The following LRPPRC variants were observed in gnomAD, a reference collection of about 807,000 sequenced individuals.
The protein encoded by LRPPRC is leucine rich pentatricopeptide repeat containing.
LRPPRC carries 120 observed loss-of-function variants against 180.3 expected under a neutral mutation model. That is an observed-to-expected ratio of 0.67 (90% CI 0.57 to 0.77). The LOEUF (loss-of-function observed/expected upper bound fraction) is 0.77. Among genes scored for constraint, LRPPRC ranks in the 30% least tolerant of loss-of-function variants. The probability of loss-of-function intolerance (pLI) is 0.00; values close to 1 mark genes in which losing one functional copy is unlikely to be tolerated. For missense variants in LRPPRC, 2,012 were observed against 1,657.2 expected (o/e 1.21, Z -3.72); for synonymous variants, 723 against 600.0 (o/e 1.21, Z -3.00).
chr2:43,889,405 CATAA>C (rs1670400470), intron 37 of LRPPRC, among the ~76,000 whole-genome samples: 1 of 148,146 alleles, frequency 6.8e-6, no homozygotes, highest in African/African-American at 2.5e-5. Flanking sequence ...TTACCACTGA[CATAA>C]TATGCTTGGC....
At chr2:43,983,200 C>G (rs1305534335) in intron 1 of LRPPRC, among the ~76,000 whole-genome samples, 1 of 152,064 alleles carries the variant, frequency 6.6e-6, no homozygotes, top group Non-Finnish European at 1.5e-5. Flanking sequence ...TTACAAAGAG[C>G]AAGCAATCTT....
intron 27 of LRPPRC, among the ~76,000 whole-genome samples, chr2:43,918,784 T>TATATAG (rs1194091602): frequency 2.9e-5 from 1 of 34,568 alleles, no homozygotes; most frequent in African/African-American, 3.2e-4. Context: ...GAAATATATA[T>TATATAG]ATATATAGAT....
At chr2:43,894,394 T>TTA (rs2104979119) in intron 36 of LRPPRC, 151 bp downstream of exon 36, 1 of 585,950 alleles carries the variant, frequency 1.7e-6, no homozygotes, top group African/African-American at 1.9e-5. Flanking sequence ...ACTGAGTTAT[T>TTA]TATATCATAA....
intron 26 of LRPPRC, 128 bp downstream of exon 26, chr2:43,925,765 T>C: frequency 4.0e-6 from 3 of 745,900 alleles, no homozygotes; most frequent in Non-Finnish European, 7.4e-6. Flanking sequence ...ATCTGGCAAA[T>C]GATCGAGATA....
intron 14 of LRPPRC, among the ~76,000 whole-genome samples, chr2:43,951,846 T>A (rs1306868838): frequency 6.6e-6 from 1 of 151,470 alleles, no homozygotes; most frequent in African/African-American, 2.4e-5. Context: ...TATTTATTTT[T>A]AAAATTTACT....
intron 13 of LRPPRC, chr2:43,959,064 T>C: frequency 1.8e-6 from 1 of 564,622 alleles, no homozygotes; most frequent in Non-Finnish European, 3.2e-6. Flanking sequence ...AGCATCTAGT[T>C]TCCTTAGCAA....
At chr2:43,902,679 C>T (rs1359547919) in intron 31 of LRPPRC, 1 of 151,938 alleles carries the variant, frequency 6.6e-6, no homozygotes, top group Non-Finnish European at 1.5e-5. Flanking sequence ...TACACATGCA[C>T]ATATAGGAAA....
At chr2:43,948,583 A>G (rs976978847) in intron 16 of LRPPRC, 65 bp from the exon 17 acceptor site, 1 of 847,060 alleles carries the variant, frequency 1.2e-6, no homozygotes, top group African/African-American at 1.7e-5. Flanking sequence ...TATCAAGATT[A>G]ATTTATAAGA....
At chr2:43,969,841 A>C (rs902698325) in intron 11 of LRPPRC, among the ~76,000 whole-genome samples, 15 of 151,964 alleles carry the variant, frequency 9.9e-5, no homozygotes, top group Admixed American at 9.8e-4. Flanking sequence ...CGCTCGGCTA[A>C]TTTTTCTATT....
chr2:43,975,164 T>G lies in LRPPRC; in HGVS notation c.791A>C (p.Glu264Ala). Reference sequence around the variant, plus strand: ...TGCGAGGTATGTGTCTGGACCAGGCTCAATTCCGGCATCTCTCATCACTGT... The same window carrying G: ...TGCGAGGTATGTGTCTGGACCAGGCGCAATTCCGGCATCTCTCATCACTGT... ...ILTVMRDAGI[E>A]PGPDTYLALL... The change falls in exon 7 of 38, where the codon GAG becomes GCG. Residue 264 changes from glutamate to alanine, a missense_variant. Physicochemically the swap from Glu to Ala is moderately radical, Grantham distance 107. Coordinates refer to ENST00000260665, the MANE Select transcript of LRPPRC (RefSeq NM_133259.4). The G allele has an allele frequency of 6.2e-7, 1 of 1,613,548 alleles. No homozygotes were observed. The highest frequency in any genetic ancestry group is 8.5e-7 in the Non-Finnish European group (1 of 1,179,666).
chr2:43,916,949 GGAAAAA>G (rs1442097078), intron 29 of LRPPRC, among the ~76,000 whole-genome samples: 16 of 115,802 alleles, frequency 1.4e-4, no homozygotes, highest in Admixed American at 3.9e-4. Context: ...GTCTCCGGGG[GGAAAAA>G]AAAAAAAAAA....
chr2:43,921,038 T>C (rs1348215777), intron 27 of LRPPRC, among the ~76,000 whole-genome samples: 1 of 152,148 alleles, frequency 6.6e-6, no homozygotes, highest in Non-Finnish European at 1.5e-5. Context: ...GTGTCTGTAA[T>C]CCCAGCACTT....
chr2:43,918,813 A>ATC (rs1387131670), intron 27 of LRPPRC, among the ~76,000 whole-genome samples: 2 of 144,898 alleles, frequency 1.4e-5, no homozygotes, highest in African/African-American at 5.2e-5. Flanking sequence ...ATATATAGAT[A>ATC]TATATATATC....
In LRPPRC at chr2:43,901,365, G is replaced by C. The variant is rs1313891160; in HGVS notation, c.3524C>G (p.Ser1175Ter). 2 of 1,613,836 alleles carry C rather than the reference G, an allele frequency of 1.2e-6. No individual in the cohort carries two copies. The highest frequency in any genetic ancestry group is 1.7e-6 in the Non-Finnish European group (2 of 1,179,892). ...LNGLEDSIGL[S>*]KMVFINNIAL... Reference sequence around the variant, plus strand: ...AATGTTATTGATGAAAACCATTTTTGAAAGTCCAATGGAGTCTTCGAGTCC... The same window carrying C: ...AATGTTATTGATGAAAACCATTTTTCAAAGTCCAATGGAGTCTTCGAGTCC... Residue 1175 changes from serine (S) to a stop codon, truncating the protein, a stop_gained, in exon 32 of 38, where the codon TCA (serine) becomes TGA (stop). Coordinates refer to ENST00000260665, the MANE Select transcript of LRPPRC (RefSeq NM_133259.4). LOFTEE classifies it high-confidence loss of function.
chr2:43,934,800 G>A lies in LRPPRC; in HGVS notation c.2583C>T (p.Val861=), dbSNP rs746001914. ...CGCCTTTCTCTACCAGTTTACACAA[G>A]ACATCATGAATCCTTGGTAATACTT... The part of the protein sequence containing the change: ...KYKVLPRIHD[V]LCKLVEKGET... The change falls in exon 24 of 38, where the codon GTC becomes GTT. Residue 861 remains valine (V), a synonymous_variant. Transcript: ENST00000260665. The A allele has an allele frequency of 1.4e-5, 23 of 1,611,296 alleles. No individual in the cohort carries two copies. Among genetic ancestry groups the A allele is most frequent in the East Asian group, 8.9e-5 (4 of 44,802 alleles).
chr2:43,970,158 C>T (rs1371445099), intron 11 of LRPPRC, among the ~76,000 whole-genome samples: 1 of 152,228 alleles, frequency 6.6e-6, no homozygotes, highest in African/African-American at 2.4e-5. Context: ...ACCCCATCTT[C>T]TAAGCCTCAA....
chr2:43,948,309 G>A (rs1672769138), intron 17 of LRPPRC, 103 bp downstream of exon 17: 2 of 918,232 alleles, frequency 2.2e-6, no homozygotes, highest in Non-Finnish European at 3.7e-6. Flanking sequence ...ACTCTTGCAT[G>A]TCATTGAGAA....
chr2:43,930,995 T>A (rs1003659653), intron 25 of LRPPRC, among the ~76,000 whole-genome samples: 1 of 152,182 alleles, frequency 6.6e-6, no homozygotes, highest in Non-Finnish European at 1.5e-5. Context: ...ACTTTTTGGG[T>A]TACTCATTCT....
chr2:43,966,462 G>A (rs1189294462), intron 11 of LRPPRC, among the ~76,000 whole-genome samples: 1 of 151,376 alleles, frequency 6.6e-6, no homozygotes, highest in East Asian at 2.0e-4. Context: ...GCAAGCTGGA[G>A]TGCAATGGTG....
Sources: gnomAD v4.1 joint callset for allele counts (sites outside exome capture counted in the v4.1 genomes callset) on GRCh38, gnomAD v4.1.1 for gene constraint, MANE v1.5 for transcripts, NCBI Gene and HGNC (gene_info 2026-07-23, HGNC 2026-07-21) for gene names.